CSMD1: variants seen among roughly 807,000 people sequenced by gnomAD.
CSMD1 encodes the protein CUB and sushi domain-containing protein 1.
CSMD1 carries 213 observed loss-of-function variants against 417.5 expected under a neutral mutation model. That is an observed-to-expected ratio of 0.51 (90% CI 0.46 to 0.57). The LOEUF is 0.57. CSMD1 is among the 20% of genes least tolerant of loss of function. The pLI, the probability that CSMD1 is intolerant of heterozygous loss-of-function variation, is 0.00. For synonymous variants in CSMD1, 2,862 were observed against 1,736.8 expected, an observed-to-expected ratio of 1.65 and a Z score of -16.11; for missense variants, 6,923 against 4,529.7, an observed-to-expected ratio of 1.53 and a Z score of -15.17.
intron 3 of CSMD1, among the ~76,000 whole-genome samples, chr8:4,128,897 A>T (rs932421214): frequency 6.6e-6 from 1 of 152,018 alleles, no homozygotes; most frequent in Non-Finnish European, 1.5e-5. Flanking sequence ...TCTGTCTCGT[A>T]CAACTCATAT....
chr8:4,112,675 G>A (rs1256476327), intron 3 of CSMD1, among the ~76,000 whole-genome samples: 1 of 152,126 alleles, frequency 6.6e-6, no homozygotes, highest in Non-Finnish European at 1.5e-5. Context: ...CCCCAGACAA[G>A]CCCCTATATT....
intron 3 of CSMD1, among the ~76,000 whole-genome samples, chr8:4,112,681 A>G (rs1222818868): frequency 6.6e-6 from 1 of 152,180 alleles, no homozygotes; most frequent in Non-Finnish European, 1.5e-5. Flanking sequence ...ACAAGCCCCT[A>G]TATTTATATA....
chr8:3,028,627 A>T (rs1810118620), intron 51 of CSMD1, among the ~76,000 whole-genome samples: 1 of 152,224 alleles, frequency 6.6e-6, no homozygotes, highest in African/African-American at 2.4e-5. Context: ...AAGTTGAATT[A>T]AAATTATTAT....
chr8:4,591,843 C>G (rs1799999400), intron 2 of CSMD1, among the ~76,000 whole-genome samples: 1 of 152,050 alleles, frequency 6.6e-6, no homozygotes, highest in Non-Finnish European at 1.5e-5. Flanking sequence ...GCCTCTGGAA[C>G]AAGGCAGAGG....
chr8:3,294,539 G>C (rs929815402), intron 25 of CSMD1, among the ~76,000 whole-genome samples: 1 of 144,748 alleles, frequency 6.9e-6, no homozygotes, highest in African/African-American at 2.4e-5. Context: ...CCCTCCCCCA[G>C]CCTCGCTGCA....
chr8:4,130,164 A>G (rs762805650), intron 3 of CSMD1, among the ~76,000 whole-genome samples: 1 of 152,114 alleles, frequency 6.6e-6, no homozygotes, highest in Non-Finnish European at 1.5e-5. Flanking sequence ...AAAAGACCCA[A>G]CATCTTTTCC....
intron 1 of CSMD1, among the ~76,000 whole-genome samples, chr8:4,857,026 C>T (rs903630533): frequency 2.0e-5 from 3 of 149,052 alleles, no homozygotes; most frequent in Non-Finnish European, 3.0e-5. Context: ...GTAAAGCTCT[C>T]CTCAGCAAAT....
chr8:4,450,307 TCA>T (rs1315300705), intron 2 of CSMD1, among the ~76,000 whole-genome samples: 1 of 152,158 alleles, frequency 6.6e-6, no homozygotes, highest in Non-Finnish European at 1.5e-5. Context: ...TTGCTGCAAC[TCA>T]GAGTATTTTT....
chr8:4,846,755 G>C (rs1801170597), intron 1 of CSMD1, among the ~76,000 whole-genome samples: 1 of 152,174 alleles, frequency 6.6e-6, no homozygotes, highest in Non-Finnish European at 1.5e-5. Flanking sequence ...CCCAGGTCAA[G>C]GGTATCTTAT....
chr8:4,403,972 A>G (rs975701178), intron 3 of CSMD1, among the ~76,000 whole-genome samples: 1 of 152,098 alleles, frequency 6.6e-6, no homozygotes, highest in Non-Finnish European at 1.5e-5. Context: ...ATCACCCCTA[A>G]AACTCTCCTT....
At chr8:3,656,245 C>G (rs865839817) in intron 7 of CSMD1, among the ~76,000 whole-genome samples, 4 of 152,138 alleles carry the variant, frequency 2.6e-5, no homozygotes, top group African/African-American at 7.2e-5. Flanking sequence ...CCCAGGTAAA[C>G]AGGAAGGAAA....
At chr8:4,057,154 A>G (rs1364482175) in intron 3 of CSMD1, among the ~76,000 whole-genome samples, 2 of 152,164 alleles carry the variant, frequency 1.3e-5, no homozygotes, top group Non-Finnish European at 2.9e-5. Flanking sequence ...TCCCACCAAC[A>G]GTGTAGTGTT....
intron 12 of CSMD1, among the ~76,000 whole-genome samples, chr8:3,450,068 A>C (rs1815589557): frequency 6.6e-6 from 1 of 152,130 alleles, no homozygotes. Context: ...ACACATACGA[A>C]ATTCGGAAAA....
At chr8:4,226,336 A>G (rs1801354779) in intron 3 of CSMD1, among the ~76,000 whole-genome samples, 1 of 152,250 alleles carries the variant, frequency 6.6e-6, no homozygotes, top group Non-Finnish European at 1.5e-5. Flanking sequence ...CAAATACTCT[A>G]CTTAAAAATG....
At chr8:3,718,690 CT>C (rs1475034095) in intron 6 of CSMD1, among the ~76,000 whole-genome samples, 1 of 152,148 alleles carries the variant, frequency 6.6e-6, no homozygotes, top group Non-Finnish European at 1.5e-5. Context: ...TGACTGAACT[CT>C]TTACTAATGT....
At chr8:3,015,482 G>C (rs1034892368) in intron 52 of CSMD1, among the ~76,000 whole-genome samples, 2 of 151,680 alleles carry the variant, frequency 1.3e-5, no homozygotes, top group Admixed American at 6.6e-5. Flanking sequence ...TATAGACACA[G>C]TTTTCAGAAT....
At chr8:3,601,106 C>G (rs552430573) in intron 8 of CSMD1, among the ~76,000 whole-genome samples, 41 of 152,312 alleles carry the variant, frequency 2.7e-4, no homozygotes, top group Admixed American at 9.8e-4. Flanking sequence ...ACCTCCATGA[C>G]TCCTGTATAT....
intron 3 of CSMD1, among the ~76,000 whole-genome samples, chr8:4,283,670 T>G (rs531433649): frequency 6.6e-6 from 1 of 152,258 alleles, no homozygotes; most frequent in South Asian, 2.1e-4. Flanking sequence ...CACACCTCAG[T>G]TTTCCACATT....
intron 49 of CSMD1, among the ~76,000 whole-genome samples, chr8:3,057,182 T>C (rs1279133724): frequency 6.6e-6 from 1 of 152,182 alleles, no homozygotes; most frequent in African/African-American, 2.4e-5. Context: ...ACACACGTGG[T>C]AAATACCTAT....
Sources: allele counts gnomAD v4.1 joint callset (sites outside exome capture counted in the v4.1 genomes callset), GRCh38; gene constraint gnomAD v4.1.1; transcripts MANE v1.5; gene names NCBI Gene and HGNC (gene_info 2026-07-23, HGNC 2026-07-21).